Variants in CSGALNACT1 observed in about 807,000 individuals in gnomAD.
CSGALNACT1 encodes beta4GalNAcT-1.
A neutral mutation model predicts 51.0 loss-of-function variants in CSGALNACT1; 52 were observed. The ratio of observed to expected loss-of-function variants is 1.02; its 90% CI spans 0.82 to 1.29. The LOEUF is 1.29. Ranked by LOEUF, CSGALNACT1 falls within the 50% of genes most tolerant of loss-of-function variation. CSGALNACT1 has a pLI of 0.00. For synonymous variants in CSGALNACT1, 341 were observed against 254.4 expected (o/e 1.34, Z -3.24); for missense variants, 935 against 679.2 (o/e 1.38, Z -4.19).
chr8:19,512,506 A>G (rs2078658589), intron 3 of CSGALNACT1, among the ~76,000 whole-genome samples: 1 of 152,226 alleles, frequency 6.6e-6, no homozygotes. Flanking sequence ...AGGGTCACAG[A>G]CTTCAGATTT....
intron 4 of CSGALNACT1, among the ~76,000 whole-genome samples, chr8:19,478,002 G>A (rs990179989): frequency 2.6e-5 from 4 of 152,246 alleles, no homozygotes; most frequent in African/African-American, 9.6e-5. Flanking sequence ...CTCCTGAAGA[G>A]GCACAAGCTT....
chr8:19,462,681 T>C (rs1401011072), intron 4 of CSGALNACT1, among the ~76,000 whole-genome samples: 1 of 152,200 alleles, frequency 6.6e-6, no homozygotes, highest in African/African-American at 2.4e-5. Context: ...TTTATGCTGC[T>C]TTCTGTCTTC....
At chr8:19,651,433 A>T (rs1012261456) in intron 1 of CSGALNACT1, among the ~76,000 whole-genome samples, 4 of 152,118 alleles carry the variant, frequency 2.6e-5, no homozygotes, top group Non-Finnish European at 5.9e-5. Flanking sequence ...ACCTTCAGTT[A>T]GGCCCCAGTG....
At chr8:19,570,431 C>CT (rs1347690264) in intron 3 of CSGALNACT1, among the ~76,000 whole-genome samples, 2 of 152,088 alleles carry the variant, frequency 1.3e-5, no homozygotes, top group African/African-American at 4.8e-5. Context: ...TTCCAGCTGT[C>CT]TCAATAGTAC....
intron 1 of CSGALNACT1, among the ~76,000 whole-genome samples, chr8:19,750,158 A>T (rs968731672): frequency 2.0e-5 from 3 of 152,290 alleles, no homozygotes; most frequent in African/African-American, 7.2e-5. Flanking sequence ...TTCTTAAAAT[A>T]GCTTCTCCCT....
intron 5 of CSGALNACT1, among the ~76,000 whole-genome samples, chr8:19,453,454 T>C (rs372655684): frequency 7.2e-5 from 11 of 151,932 alleles, no homozygotes; most frequent in African/African-American, 2.7e-4. Context: ...AAAACAGAGA[T>C]GCTAATAAAT....
At chr8:19,672,469 C>T (rs112458685) in intron 1 of CSGALNACT1, among the ~76,000 whole-genome samples, 25 of 152,336 alleles carry the variant, frequency 1.6e-4, no homozygotes, top group African/African-American at 5.1e-4. Context: ...TATTCAGCAT[C>T]GCTTTAACAA....
intron 3 of CSGALNACT1, among the ~76,000 whole-genome samples, chr8:19,586,074 A>T (rs553100954): frequency 1.7e-4 from 26 of 152,140 alleles, no homozygotes; most frequent in Non-Finnish European, 2.6e-4. Flanking sequence ...AAAGAGTTGT[A>T]AAATGGGGCT....
At position 19,560,550 on chromosome 8, in the gene CSGALNACT1, C is replaced by G. The variant is rs188889712; in HGVS notation, c.-297+30610G>C. ...TTCTGCAAACAATTCAATAGATACA[C>G]AACACGATGGAAAAATGACCCACTT... is the stretch of plus-strand genomic sequence containing the variant. On this transcript the variant is annotated intron_variant, in intron 3 of 9. Transcript: ENST00000454498. 2.6e-3 allele frequency among the ~76,000 whole-genome samples: 392 copies of G among 152,264 alleles called. 2 individuals are homozygous for G. Among genetic ancestry groups the G allele is most frequent in the Admixed American group, 2.4e-3 (36 of 15,288 alleles).
At chr8:19,595,166 A>C (rs2048632294) in intron 2 of CSGALNACT1, among the ~76,000 whole-genome samples, 1 of 152,242 alleles carries the variant, frequency 6.6e-6, no homozygotes. Context: ...AAAATTTTAA[A>C]ACTTAACTAT....
At chr8:19,653,371 A>G (rs558655756) in intron 1 of CSGALNACT1, among the ~76,000 whole-genome samples, 2 of 152,104 alleles carry the variant, frequency 1.3e-5, no homozygotes, top group African/African-American at 4.8e-5. Context: ...GTCTCCTTGG[A>G]CACTGGTCCC....
chr8:19,601,719 C>G, intron 2 of CSGALNACT1, 52 bp downstream of exon 2: 1 of 422,716 alleles, frequency 2.4e-6, no homozygotes. Flanking sequence ...GAATATTGAA[C>G]ACAAAGCAGA....
intron 3 of CSGALNACT1, among the ~76,000 whole-genome samples, chr8:19,538,175 A>G (rs2084211794): frequency 6.6e-6 from 1 of 152,076 alleles, no homozygotes; most frequent in South Asian, 2.1e-4. Context: ...AAGAGAAAAT[A>G]AAAGTGAGCC....
rs1177939899 is a variant in CSGALNACT1, at chr8:19,667,040, G to GAAGAAAGAAAGAAAGA, written c.-544+15417_-544+15432dup. Reference sequence around the variant, plus strand: ...GAAAGGAAGGAAGGAAGGAAGGAAGGAAGAAAGAAAGAAAGAAAGAAAGAA... The same window carrying GAAGAAAGAAAGAAAGA: ...GAAAGGAAGGAAGGAAGGAAGGAAGGAAGAAAGAAAGAAAGAAAGAAAGAAAGAAAGAAAGAAAGAA... On this transcript the variant is annotated intron_variant, in intron 1 of 9. Transcript: ENST00000332246. Among the ~76,000 whole-genome samples, 14 of 34,966 alleles carry GAAGAAAGAAAGAAAGA rather than the reference G, an allele frequency of 4.0e-4. 1 individual carries two copies. The East Asian group carries it at 5.4e-3, about 14-fold the overall frequency. 22.9% of individuals were successfully genotyped at this position (34,966 alleles called of 152,430 possible). A position where few individuals can be genotyped will look rare whatever the true frequency, so the allele number is the denominator to read the frequency against.
chr8:19,593,755 T>C (rs1407061758), intron 2 of CSGALNACT1, among the ~76,000 whole-genome samples: 2 of 152,132 alleles, frequency 1.3e-5, no homozygotes, highest in Non-Finnish European at 2.9e-5. Context: ...GCCCAGAAAA[T>C]TCCTACACAT....
chr8:19,530,663 C>T (rs185379684), intron 3 of CSGALNACT1, among the ~76,000 whole-genome samples: 96 of 152,056 alleles, frequency 6.3e-4, no homozygotes, highest in Admixed American at 8.5e-4. Context: ...CCCAAGAGAT[C>T]GGGGCTATAG....
chr8:19,413,645 G>A (rs1585427582), intron 8 of CSGALNACT1, among the ~76,000 whole-genome samples: 1 of 152,194 alleles, frequency 6.6e-6, no homozygotes, highest in Admixed American at 6.5e-5. Flanking sequence ...CTGAAGGGAG[G>A]TAGAGAGGTC....
chr8:19,714,748 T>A (rs948797947), intron 1 of CSGALNACT1, among the ~76,000 whole-genome samples: 12 of 126,076 alleles, frequency 9.5e-5, no homozygotes, highest in Non-Finnish European at 8.8e-5. Context: ...CTTTGTCTCC[T>A]GGGATATTTT....
intron 1 of CSGALNACT1, among the ~76,000 whole-genome samples, chr8:19,617,170 G>A (rs2053145354): frequency 6.6e-6 from 1 of 152,104 alleles, no homozygotes; most frequent in Non-Finnish European, 1.5e-5. Context: ...TTCACAATAG[G>A]GTTAACACTT....
Sources: gnomAD v4.1 joint callset for allele counts (sites outside exome capture counted in the v4.1 genomes callset) on GRCh38, gnomAD v4.1.1 for gene constraint, MANE v1.5 for transcripts, NCBI Gene and HGNC (gene_info 2026-07-23, HGNC 2026-07-21) for gene names.